COL11A1: variants seen among roughly 807,000 people sequenced by gnomAD.
The protein encoded by COL11A1 is collagen type XI alpha 1 chain.
Under a neutral mutation model 265.2 loss-of-function variants are expected in COL11A1, and 74 were observed. The ratio of observed to expected loss-of-function variants is 0.28; its 90% confidence interval spans 0.23 to 0.34. COL11A1 has a LOEUF of 0.34. Ranked by LOEUF, COL11A1 falls within the 10% of genes least tolerant of loss-of-function variation. COL11A1 has a pLI of 1.00. For synonymous variants in COL11A1, 816 were observed against 727.6 expected (o/e 1.12, Z -1.96); for missense variants, 2,165 against 2,263.6 (o/e 0.96, Z 0.88).
intron 4 of COL11A1, among the ~76,000 whole-genome samples, chr1:103,055,208 T>G (rs1441186061): frequency 6.6e-6 from 1 of 152,186 alleles, no homozygotes; most frequent in East Asian, 1.9e-4. Context: ...ATTTCATCAT[T>G]ATTATAATCT....
chr1:102,884,614 G>T (rs1211282562), intron 63 of COL11A1: 4 of 152,226 alleles, frequency 2.6e-5, no homozygotes, highest in Non-Finnish European at 4.4e-5. Context: ...CGCCTCAAGT[G>T]AGCATGCGCA....
chr1:102,962,230 A>G lies in COL11A1; in HGVS notation c.3060T>C (p.Asp1020=). The change falls in exon 40 of 67, where the codon GAT becomes GAC. Residue 1020 remains aspartate, a synonymous_variant. Transcript: ENST00000370096. ...DPGPQGISGK[D]GPAGLRGFPG... Reference sequence around the variant, plus strand: ...GGAAACCACGTAATCCTGCTGGTCCATCTTTCCCTGAGATACCTTGAGGAC... The same window carrying G: ...GGAAACCACGTAATCCTGCTGGTCCGTCTTTCCCTGAGATACCTTGAGGAC... The G allele has an allele frequency of 6.2e-7, 1 of 1,613,860 alleles. No homozygotes were observed.
chr1:102,898,674 C>T lies in COL11A1; in HGVS notation c.4240G>A (p.Gly1414Ser). The T allele has an allele frequency of 6.2e-7, 1 of 1,611,944 alleles. No individual in the cohort carries two copies. The highest frequency in any genetic ancestry group is 1.1e-5 in the South Asian group (1 of 91,062). The change falls in exon 56 of 67, where the codon GGT (glycine) becomes AGT (serine). Residue 1414 changes from glycine to serine, a missense_variant. Physicochemically the swap from Gly to Ser is moderately conservative, Grantham distance 56. Coordinates refer to ENST00000370096, the MANE Select transcript of COL11A1 (RefSeq NM_001854.4). ...PGPEGLRGIP[G>S]PVGEQGLPGA... ...TTAACACAGATGCTCACCACAGGAC[C>T]AGGGATGCCCCGAAGACCTTCTGGA...
intron 4 of COL11A1, among the ~76,000 whole-genome samples, chr1:103,040,396 G>A (rs1368143045): frequency 6.6e-6 from 1 of 150,830 alleles, no homozygotes; most frequent in Non-Finnish European, 1.5e-5. Flanking sequence ...ATACTTTTTT[G>A]TATTCTTTGT....
intron 1 of COL11A1, among the ~76,000 whole-genome samples, chr1:103,092,966 C>G (rs900130849): frequency 6.6e-6 from 1 of 151,144 alleles, no homozygotes; most frequent in Non-Finnish European, 1.5e-5. Context: ...GATCATTGTT[C>G]CAAAAACAAA....
intron 9 of COL11A1, 58 bp from the exon 10 acceptor site, chr1:103,018,917 T>A (rs1666778007): frequency 7.6e-7 from 1 of 1,318,124 alleles, no homozygotes; most frequent in South Asian, 1.2e-5. Context: ...ACCTCTTAAT[T>A]ACATGAATAT....
chr1:102,986,779 T>C (rs1335392744), intron 30 of COL11A1, among the ~76,000 whole-genome samples: 6 of 152,108 alleles, frequency 3.9e-5, no homozygotes, highest in Non-Finnish European at 5.9e-5. Flanking sequence ...TATTGAAATA[T>C]AAATGTAATG....
chr1:102,917,618 C>T (rs1016438258), intron 49 of COL11A1, among the ~76,000 whole-genome samples: 15 of 151,814 alleles, frequency 9.9e-5, no homozygotes, highest in African/African-American at 3.1e-4. Context: ...TGAAATATTT[C>T]GTAGTAACCC....
intron 4 of COL11A1, among the ~76,000 whole-genome samples, chr1:103,065,573 C>CAAAAAA (rs61016929): frequency 2.3e-5 from 3 of 130,658 alleles, no homozygotes; most frequent in African/African-American, 8.9e-5. Flanking sequence ...AACAAACAAA[C>CAAAAAA]AAAAAAAATA....
chr1:102,879,130 A>C (rs546337438), intron 66 of COL11A1, among the ~76,000 whole-genome samples: 6 of 152,234 alleles, frequency 3.9e-5, no homozygotes, highest in South Asian at 2.1e-4. Context: ...TAAAGCAATG[A>C]ACTTTTTAGG....
At chr1:102,960,175 T>A (rs1660759288) in intron 41 of COL11A1, among the ~76,000 whole-genome samples, 1 of 152,158 alleles carries the variant, frequency 6.6e-6, no homozygotes, top group Admixed American at 6.6e-5. Flanking sequence ...TTTGCCACAT[T>A]TCCATAATTA....
intron 1 of COL11A1, among the ~76,000 whole-genome samples, chr1:103,090,596 G>C (rs897496121): frequency 2.0e-5 from 3 of 152,032 alleles, no homozygotes; most frequent in Non-Finnish European, 4.4e-5. Flanking sequence ...CTATGACTTT[G>C]GATAAGCTAT....
intron 4 of COL11A1, among the ~76,000 whole-genome samples, chr1:103,051,013 TGGGGGATGCCTCCCAGTTAGGCTACTCGG>T: frequency 6.6e-6 from 1 of 152,200 alleles, no homozygotes; most frequent in African/African-American, 2.4e-5. Context: ...CTGCCCCTAC[TGGGGGATGCCTCCCAGTTAGGCTACTCGG>T]GGGTCAGGGA....
chr1:102,878,520 CTTTT>C (rs1032533150), intron 66 of COL11A1, among the ~76,000 whole-genome samples: 2 of 46,972 alleles, frequency 4.3e-5, no homozygotes, highest in Non-Finnish European at 1.1e-4. Flanking sequence ...TCTTTTCTTT[CTTTT>C]TTTTTTTTTG....
intron 3 of COL11A1, among the ~76,000 whole-genome samples, 161 bp downstream of exon 3, chr1:103,078,497 C>T (rs567556132): frequency 1.3e-5 from 2 of 152,164 alleles, no homozygotes; most frequent in South Asian, 2.1e-4. Flanking sequence ...TTTATTGTTT[C>T]CCTGTACACA....
At chr1:102,886,076 CAA>C (rs1352739857) in intron 63 of COL11A1, among the ~76,000 whole-genome samples, 1 of 152,048 alleles carries the variant, frequency 6.6e-6, no homozygotes, top group Non-Finnish European at 1.5e-5. Context: ...AAAGGGGAGA[CAA>C]AATAGTTCAA....
At position 102,962,863 on chromosome 1, in the gene COL11A1, C is replaced by G. The variant is rs897388614; in HGVS notation, c.2917-103G>C. ...ATTACATTTACAAAAGTTTATCATC[C>G]TCACTTATTCTCATGATGTCCTACA... On this transcript the variant is annotated intron_variant, in intron 38 of 66. Coordinates refer to ENST00000370096, the MANE Select transcript of COL11A1 (RefSeq NM_001854.4). 9.1e-6 allele frequency: 9 copies of G among 989,946 alleles called. 1 individual carries two copies. The African/African-American group carries it at 1.5e-4, about 16-fold the overall frequency. 61.3% of individuals were successfully genotyped at this position (989,946 alleles called of 1,614,324 possible).
At chr1:103,068,208 G>C (rs1671300893) in intron 4 of COL11A1, among the ~76,000 whole-genome samples, 1 of 151,490 alleles carries the variant, frequency 6.6e-6, no homozygotes, top group Non-Finnish European at 1.5e-5. Context: ...TTTACAAAAT[G>C]GAATTATATG....
intron 4 of COL11A1, among the ~76,000 whole-genome samples, chr1:103,054,594 T>TA (rs1317125629): frequency 5.3e-5 from 8 of 149,618 alleles, no homozygotes; most frequent in South Asian, 2.1e-4. Context: ...TTGTTGTTTC[T>TA]AAAAAAAAGA....
Sources: allele counts gnomAD v4.1 joint callset (sites outside exome capture counted in the v4.1 genomes callset), GRCh38; gene constraint gnomAD v4.1.1; transcripts MANE v1.5; gene names NCBI Gene and HGNC (gene_info 2026-07-23, HGNC 2026-07-21).